PCDHGA3: variants seen among roughly 807,000 people sequenced by gnomAD.
PCDHGA3 encodes the protein protocadherin gamma-A3.
In PCDHGA3, 40 loss-of-function variants were observed where a neutral mutation model predicts 58.5. That is an observed-to-expected ratio of 0.68 (90% confidence interval 0.53 to 0.89). The LOEUF is 0.89. PCDHGA3 is among the 40% of genes least tolerant of loss of function. The pLI is 0.00. For synonymous variants in PCDHGA3, 530 were observed against 525.7 expected (o/e 1.01, Z -0.11); for missense variants, 1,223 against 1,195.9 (o/e 1.02, Z -0.33).
intron 1 of PCDHGA3, chr5:141,420,054 G>A (rs1355002535): frequency 6.2e-7 from 1 of 1,614,070 alleles, no homozygotes; most frequent in East Asian, 2.2e-5. Context: ...TCAGTTCTCT[G>A]CTCCAAGTCC....
At chr5:141,443,759 A>G (rs1055796439) in intron 1 of PCDHGA3, among the ~76,000 whole-genome samples, 2 of 152,228 alleles carry the variant, frequency 1.3e-5, no homozygotes, top group African/African-American at 2.4e-5. Flanking sequence ...GAAGCTTACA[A>G]TATACAATAT....
chr5:141,362,075 G>C (rs533999436), intron 1 of PCDHGA3: 2 of 1,612,964 alleles, frequency 1.2e-6, no homozygotes, highest in African/African-American at 2.7e-5. Flanking sequence ...GTCGCTGTGC[G>C]TGATGGAGGA....
At chr5:141,473,501 G>A (rs1053399138) in intron 1 of PCDHGA3, among the ~76,000 whole-genome samples, 2 of 152,188 alleles carry the variant, frequency 1.3e-5, no homozygotes, top group South Asian at 4.1e-4. Context: ...GGTGTTCTGA[G>A]AGAGCATAAC....
intron 2 of PCDHGA3, among the ~76,000 whole-genome samples, chr5:141,500,148 G>A (rs936567158): frequency 6.6e-6 from 1 of 150,990 alleles, no homozygotes; most frequent in Non-Finnish European, 1.5e-5. Flanking sequence ...ACTTTTCTTT[G>A]TGTAATCAAA....
chr5:141,364,962 T>G, intron 1 of PCDHGA3: 1 of 1,613,878 alleles, frequency 6.2e-7, no homozygotes, highest in South Asian at 1.1e-5. Context: ...CACGACCTCC[T>G]CCTCACAGCT....
At chr5:141,410,752 GT>G (rs2095421794) in intron 1 of PCDHGA3, 1 of 1,130,824 alleles carries the variant, frequency 8.8e-7, no homozygotes, top group Non-Finnish European at 1.2e-6. Context: ...TTTTCTCAAT[GT>G]TTTTTCAATT....
chr5:141,417,871 C>T (rs1317007566), intron 1 of PCDHGA3: 1 of 1,554,006 alleles, frequency 6.4e-7, no homozygotes, highest in African/African-American at 1.4e-5. Context: ...TGGGAGGGAG[C>T]TGCGCGCAGA....
intron 1 of PCDHGA3, chr5:141,420,396 A>C: frequency 8.0e-7 from 1 of 1,250,930 alleles, no homozygotes; most frequent in Non-Finnish European, 1.1e-6. Context: ...ATATAGGTCA[A>C]ATTTATGGTT....
chr5:141,366,156 T>G, intron 1 of PCDHGA3: 2 of 1,614,138 alleles, frequency 1.2e-6, no homozygotes, highest in African/African-American at 1.3e-5. Context: ...TACCGCCTGC[T>G]TAAGGCCAGC....
chr5:141,365,713 C>G, intron 1 of PCDHGA3: 1 of 1,613,760 alleles, frequency 6.2e-7, no homozygotes, highest in East Asian at 2.2e-5. Context: ...CCACCTCTGT[C>G]ACAGAAAACA....
In PCDHGA3 at chr5:141,352,297, C is replaced by T. The variant is rs1426254602; in HGVS notation, c.2424+5840C>T. 2.5e-6 allele frequency: 4 copies of T among 1,613,952 alleles called. No individual in the cohort carries two copies. The African/African-American group carries it at 4.0e-5, about 16-fold the overall frequency. On this transcript the variant is annotated intron_variant, in intron 1 of 3. Transcript: ENST00000253812. ...TCAGCGACCGCCCTGAGCCCTCTGA[C>T]CCCCAGACGGAACTGCAGTTTTACC...
chr5:141,425,934 G>A lies in PCDHGA3; in HGVS notation c.2425-68873G>A, dbSNP rs1237431530. Among the ~76,000 whole-genome samples, 4 of 152,352 alleles carry A rather than the reference G, an allele frequency of 2.6e-5. 1 individual carries two copies. Among genetic ancestry groups the A allele is most frequent in the East Asian group, 1.9e-4 (1 of 5,188 alleles). On this transcript the variant is annotated intron_variant, in intron 1 of 3. Coordinates refer to ENST00000253812, the MANE Select transcript of PCDHGA3 (RefSeq NM_018916.4). ...CAGTCACTACGAAAACTCATAAAAT[G>A]TCTAGTTTCCTATACATTAGTCCAA...
At chr5:141,461,408 CAT>C (rs1491314585) in intron 1 of PCDHGA3, among the ~76,000 whole-genome samples, 2 of 151,994 alleles carry the variant, frequency 1.3e-5, no homozygotes, top group South Asian at 2.1e-4. Flanking sequence ...AGCATTTTTT[CAT>C]ATGTTTGTGG....
chr5:141,452,364 A>G (rs1330623001), intron 1 of PCDHGA3, among the ~76,000 whole-genome samples: 1 of 152,188 alleles, frequency 6.6e-6, no homozygotes, highest in African/African-American at 2.4e-5. Flanking sequence ...GCCTTGCTTC[A>G]TTTTAGTAGG....
intron 1 of PCDHGA3, among the ~76,000 whole-genome samples, chr5:141,448,712 G>A (rs1439461223): frequency 1.3e-5 from 2 of 152,004 alleles, no homozygotes; most frequent in African/African-American, 2.4e-5. Flanking sequence ...AGGCCGAGGC[G>A]GGAGGATCAC....
intron 1 of PCDHGA3, chr5:141,351,871 G>A: frequency 1.2e-6 from 2 of 1,613,256 alleles, no homozygotes; most frequent in Non-Finnish European, 8.5e-7. Flanking sequence ...GCTCCCCCGC[G>A]CTCAGCGCCA....
At chr5:141,450,675 C>T (rs377412699) in intron 1 of PCDHGA3, among the ~76,000 whole-genome samples, 3 of 151,614 alleles carry the variant, frequency 2.0e-5, no homozygotes, top group South Asian at 4.2e-4. Flanking sequence ...TTAGTAGAAA[C>T]GGGGTTTTGC....
chr5:141,365,643 T>A (rs1319252902), intron 1 of PCDHGA3: 10 of 1,613,296 alleles, frequency 6.2e-6, no homozygotes, highest in Non-Finnish European at 8.5e-6. Flanking sequence ...GAAAGCCACA[T>A]CCCCTTGAAA....
chr5:141,470,100 G>A (rs1259251144), intron 1 of PCDHGA3, among the ~76,000 whole-genome samples: 2 of 152,178 alleles, frequency 1.3e-5, no homozygotes, highest in African/African-American at 4.8e-5. Context: ...CTACATTCCA[G>A]TCTGAGCAAC....
Sources: gnomAD v4.1 joint callset for allele counts (sites outside exome capture counted in the v4.1 genomes callset) on GRCh38, gnomAD v4.1.1 for gene constraint, MANE v1.5 for transcripts, NCBI Gene and HGNC (gene_info 2026-07-23, HGNC 2026-07-21) for gene names.